SYNE1: variants seen among roughly 807,000 people sequenced by gnomAD.
SYNE1 encodes spectrin repeat containing nuclear envelope protein 1, also known as nesprin-1.
A neutral mutation model predicts 1,111.0 loss-of-function variants in SYNE1; 616 were observed. The observed-to-expected ratio is 0.55, with a 90% CI of 0.52 to 0.59. SYNE1 has a LOEUF of 0.59. SYNE1 is among the 20% of genes least tolerant of loss of function. The probability of loss-of-function intolerance (pLI) is 0.00; values close to 1 mark genes in which losing one functional copy is unlikely to be tolerated. For synonymous variants in SYNE1, 3,855 were observed against 3,825.8 expected (o/e 1.01, Z -0.28); for missense variants, 10,006 against 10,417.0 (o/e 0.96, Z 1.72).
intron 12 of SYNE1, among the ~76,000 whole-genome samples, chr6:152,485,320 T>G (rs578230025): frequency 6.6e-6 from 1 of 152,334 alleles, no homozygotes; most frequent in East Asian, 1.9e-4. Flanking sequence ...TGTGTACCAG[T>G]ATATGTTTGT....
chr6:152,337,580 C>T (rs890220795), intron 75 of SYNE1, among the ~76,000 whole-genome samples: 6 of 152,194 alleles, frequency 3.9e-5, no homozygotes, highest in Non-Finnish European at 8.8e-5. Context: ...TGAGCCACTG[C>T]GCCCAGCGAA....
chr6:152,586,700 T>C (rs2128474364), intron 3 of SYNE1, among the ~76,000 whole-genome samples: 1 of 151,962 alleles, frequency 6.6e-6, no homozygotes, highest in Admixed American at 6.6e-5. Flanking sequence ...GAAGATTTTA[T>C]ACAAATCAGA....
Position 152,262,145 on chromosome 6 carries a change from CCCCTT to C in SYNE1, c.18854_18858del (p.Glu6285GlyfsTer6). The C allele has an allele frequency of 6.2e-7, 1 of 1,613,890 alleles. No homozygotes were observed. The highest frequency in any genetic ancestry group is 1.1e-5 in the South Asian group (1 of 91,070). Reference sequence around the variant, plus strand: ...ATCTGGTCTTCAGCGGATGATTTCTCCCCTTCCATCCCCAACTCCTGGGATAACAC... The same window carrying C: ...ATCTGGTCTTCAGCGGATGATTTCTCCCATCCCCAACTCCTGGGATAACAC... On this transcript the variant is annotated frameshift_variant, in exon 101 of 146. Transcript: ENST00000367255. LOFTEE classifies it high-confidence loss of function.
At chr6:152,140,966 C>A (rs1314679811) in intron 139 of SYNE1, among the ~76,000 whole-genome samples, 3 of 152,084 alleles carry the variant, frequency 2.0e-5, no homozygotes, top group Non-Finnish European at 2.9e-5. Flanking sequence ...ACCTGGGAGG[C>A]GGAACTTGCA....
At chr6:152,496,721 TG>T (rs1192425175) in intron 11 of SYNE1, among the ~76,000 whole-genome samples, 1 of 152,224 alleles carries the variant, frequency 6.6e-6, no homozygotes, top group Non-Finnish European at 1.5e-5. Context: ...TATTTTGTTT[TG>T]TTTTTCTTAT....
At chr6:152,205,287 C>T (rs940837040) in intron 126 of SYNE1, among the ~76,000 whole-genome samples, 5 of 152,144 alleles carry the variant, frequency 3.3e-5, no homozygotes, top group African/African-American at 1.2e-4. Flanking sequence ...ATTTAGGTGT[C>T]TTTACTTTTA....
At chr6:152,589,154 A>T (rs971154468) in intron 3 of SYNE1, among the ~76,000 whole-genome samples, 2 of 151,998 alleles carry the variant, frequency 1.3e-5, no homozygotes, top group African/African-American at 4.8e-5. Flanking sequence ...TAATCCACTC[A>T]TTTTGGGCTC....
chr6:152,386,446 A>G (rs976665123), intron 54 of SYNE1, among the ~76,000 whole-genome samples: 4 of 152,202 alleles, frequency 2.6e-5, no homozygotes, highest in African/African-American at 7.2e-5. Context: ...TCATAATGTC[A>G]AGAAGAAAAG....
At position 152,373,174 on chromosome 6, in the gene SYNE1, T is replaced by C; in HGVS notation, c.9370A>G (p.Met3124Val). The stretch of plus-strand genomic sequence containing the variant: ...CTCAGAAGTTCCCCTTTAGACAGCA[T>C]CATGTTTAGCTTGTGCTGTCCATTT... Reference protein sequence around the residue: ...SENGQHKLNMMLSKGELLSTL... With the variant: ...SENGQHKLNMVLSKGELLSTL... The change falls in exon 59 of 146, where the codon ATG becomes GTG. Residue 3124 changes from methionine (M) to valine (V), a missense_variant. Physicochemically the swap from Met to Val is conservative, Grantham distance 21 (BLOSUM62 1). Transcript: ENST00000367255. 1.2e-6 allele frequency: 2 copies of C among 1,614,012 alleles called. No individual in the cohort carries two copies. Among genetic ancestry groups the C allele is most frequent in the Non-Finnish European group, 1.7e-6 (2 of 1,180,016 alleles).
Position 152,141,218 on chromosome 6 carries a change from C to G in SYNE1, c.25231G>C (p.Glu8411Gln), listed in dbSNP as rs371211999. ...ACGCACTCACCAGCCGTTTGGGTTTCGGTACTATGCAGGTTAACAAAGCCA... is the reference window on the plus strand; with the variant it reads ...ACGCACTCACCAGCCGTTTGGGTTTGGGTACTATGCAGGTTAACAAAGCCA... ...LPGFVNLHSTETQTAGVIDRW... is the reference protein window; with the variant it reads ...LPGFVNLHSTQTQTAGVIDRW... The change falls in exon 139 of 146, where the codon GAA becomes CAA. Residue 8411 changes from glutamate to glutamine, a missense_variant. Coordinates refer to ENST00000367255, the MANE Select transcript of SYNE1 (RefSeq NM_182961.4). 3.7e-6 allele frequency: 6 copies of G among 1,613,244 alleles called. No individual in the cohort carries two copies. The African/African-American group carries it at 4.0e-5, about 11-fold the overall frequency.
At chr6:152,433,621 T>C (rs977040353) in intron 34 of SYNE1, 174 bp downstream of exon 34, 2 of 663,786 alleles carry the variant, frequency 3.0e-6, no homozygotes, top group Non-Finnish European at 5.1e-6. Context: ...CAACTATAAA[T>C]GTTGCCCAGT....
chr6:152,400,487 AACCCATCTCT>A (rs1248922656), intron 47 of SYNE1, among the ~76,000 whole-genome samples: 1 of 152,108 alleles, frequency 6.6e-6, no homozygotes, highest in East Asian at 1.9e-4. Context: ...AACATGATGA[AACCCATCTCT>A]ACTAAAAATA....
chr6:152,441,061 A>G (rs1184343740), intron 32 of SYNE1, 69 bp downstream of exon 32: 5 of 1,562,946 alleles, frequency 3.2e-6, no homozygotes, highest in Non-Finnish European at 3.5e-6. Context: ...GTAATAATGG[A>G]GGAGAAATCA....
At chr6:152,489,481 A>T (rs2098958821) in intron 11 of SYNE1, among the ~76,000 whole-genome samples, 1 of 108,304 alleles carries the variant, frequency 9.2e-6, no homozygotes, top group African/African-American at 4.0e-5. Context: ...TTTTTCGTTA[A>T]CCTCTCTACT....
At chr6:152,394,653 A>T (rs1309706262) in intron 51 of SYNE1, among the ~76,000 whole-genome samples, 1 of 152,180 alleles carries the variant, frequency 6.6e-6, no homozygotes, top group Non-Finnish European at 1.5e-5. Flanking sequence ...GACCACAAAG[A>T]AAGTCAGACT....
Position 152,255,719 on chromosome 6 carries a change from G to C in SYNE1, c.19132C>G (p.His6378Asp), listed in dbSNP as rs781479222. The change falls in exon 103 of 146, where the codon CAC (histidine) becomes GAC (aspartate). Residue 6378 changes from histidine to aspartate, a missense_variant. By Grantham distance (81) the His-to-Asp change is moderately conservative (BLOSUM62 -1). Around this residue, in one of 7 missense-constraint regions of SYNE1, gnomAD observed 2,182 missense variants for 2,287.8 expected, o/e 0.95. Coordinates refer to ENST00000367255, the MANE Select transcript of SYNE1 (RefSeq NM_182961.4). The part of the protein sequence containing the change: ...QSGGAKRQSI[H>D]LEQKLYDGVS... Reference sequence around the variant, plus strand: ...CCATCATACAACTTCTGCTCCAAGTGTATACTCTGCCTCTTTGCCCCTCCA... The same window carrying C: ...CCATCATACAACTTCTGCTCCAAGTCTATACTCTGCCTCTTTGCCCCTCCA... The C allele has an allele frequency of 1.9e-6, 3 of 1,614,162 alleles. No individual in the cohort carries two copies. The Admixed American group carries it at 5.0e-5, about 27-fold the overall frequency.
intron 3 of SYNE1, among the ~76,000 whole-genome samples, chr6:152,554,938 A>T (rs2099359853): frequency 1.3e-5 from 2 of 152,168 alleles, no homozygotes; most frequent in African/African-American, 2.4e-5. Context: ...TTAAGTTCTA[A>T]TTTTTACACA....
At position 152,135,213 on chromosome 6, in the gene SYNE1, T is replaced by G; in HGVS notation, c.25679A>C (p.His8560Pro). 2 of 1,614,130 alleles carry G rather than the reference T, an allele frequency of 1.2e-6. No homozygotes were observed. The highest frequency in any genetic ancestry group is 1.7e-6 in the Non-Finnish European group (2 of 1,180,006). Reference protein sequence around the residue: ...MQCQGFHEMSHGLLLMLENID... With the variant: ...MQCQGFHEMSPGLLLMLENID... The stretch of plus-strand genomic sequence containing the variant: ...GTTCTCCAGCATAAGAAGCAAACCA[T>G]GGCTCATTTCATGGAAACCCTACAG... Residue 8560 changes from histidine to proline, a missense_variant, in exon 142 of 146, where the codon CAT becomes CCT. Around this residue, in one of 7 missense-constraint regions of SYNE1, gnomAD observed 761 missense variants for 795.5 expected, o/e 0.96. Transcript: ENST00000367255.
rs1473882328 is a variant in SYNE1 at position 152,484,953 on chromosome 6, A to G, written c.1067T>C (p.Val356Ala). 6.2e-7 allele frequency: 1 copy of G among 1,612,578 alleles called. No homozygotes were observed. The highest frequency in any genetic ancestry group is 1.7e-5 in the Admixed American group (1 of 59,934). ...DKYQSFKHFRVQYEMKRKQIE... is the reference protein window; with the variant it reads ...DKYQSFKHFRAQYEMKRKQIE... ...CTGTTTCCTCTTCATTTCATATTGAACTCTGAAGTGCTTAAATGACTAAAA... is the reference window on the plus strand; with the variant it reads ...CTGTTTCCTCTTCATTTCATATTGAGCTCTGAAGTGCTTAAATGACTAAAA... Residue 356 changes from valine to alanine, a missense_variant, in exon 13 of 146, where the codon GTT becomes GCT. Physicochemically the swap from Val to Ala is moderately conservative, Grantham distance 64 (BLOSUM62 0). This residue lies in a region of SYNE1 where 1,971 missense variants were observed against 2,084.1 expected (regional missense o/e 0.95). Coordinates refer to ENST00000367255, the MANE Select transcript of SYNE1 (RefSeq NM_182961.4).
Sources: allele counts gnomAD v4.1 joint callset (sites outside exome capture counted in the v4.1 genomes callset), GRCh38; gene constraint gnomAD v4.1.1; regional missense constraint gnomAD v4.1.1; transcripts MANE v1.5; gene names NCBI Gene and HGNC (gene_info 2026-07-23, HGNC 2026-07-21).